Variants in FGFR1OP2 observed in about 807,000 individuals in gnomAD.
FGFR1OP2 encodes fibroblast growth factor receptor 1 oncogene partner 2.
In FGFR1OP2, 17 loss-of-function variants were observed where a neutral mutation model predicts 35.2. The ratio of observed to expected loss-of-function variants is 0.48; its 90% CI spans 0.33 to 0.73. The LOEUF (loss-of-function observed/expected upper bound fraction) is 0.73. FGFR1OP2 is among the 30% of genes least tolerant of loss of function. The pLI, the probability that FGFR1OP2 is intolerant of heterozygous loss-of-function variation, is 0.02. For missense variants in FGFR1OP2, 251 were observed against 307.3 expected (o/e 0.82, Z 1.37); for synonymous variants, 105 against 104.6 (o/e 1.00, Z -0.03).
intron 1 of FGFR1OP2, chr12:26,953,838 A>G (rs1285974815): frequency 1.8e-5 from 3 of 170,328 alleles, no homozygotes; most frequent in Admixed American, 6.3e-5. Flanking sequence ...TTTCTATATA[A>G]CATTATATTC....
intron 1 of FGFR1OP2, among the ~76,000 whole-genome samples, chr12:26,940,533 C>G (rs998295895): frequency 6.6e-6 from 1 of 152,156 alleles, no homozygotes; most frequent in Non-Finnish European, 1.5e-5. Context: ...AAAACCATAA[C>G]TATACCTTTT....
chr12:26,950,213 GTTTTTTTTTTTTTTT>G (rs1174799685), intron 1 of FGFR1OP2, among the ~76,000 whole-genome samples: 1 of 50,934 alleles, frequency 2.0e-5, no homozygotes, highest in African/African-American at 8.1e-5. Context: ...TGTATTCGTT[GTTTTTTTTTTTTTTT>G]TTTTTTTTTT....
Position 26,950,251 on chromosome 12 carries a change from C to T in FGFR1OP2, c.-14-3894C>T, listed in dbSNP as rs1349568547. Among the ~76,000 whole-genome samples the T allele has an allele frequency of 3.9e-5, 3 of 77,218 alleles. No homozygotes were observed. In the East Asian group the frequency reaches 2.0e-3, roughly 52 times the overall value. 50.7% of individuals were successfully genotyped at this position (77,218 alleles called of 152,430 possible). ...TTTTTTTTTTTTTTGAGACAGAGTC[C>T]CGTTCTGTCACCCAGGCTGGAGGTG... On this transcript the variant is annotated intron_variant, in intron 1 of 6. Transcript: ENST00000229395.
intron 1 of FGFR1OP2, among the ~76,000 whole-genome samples, chr12:26,946,745 T>C (rs1011444618): frequency 2.6e-5 from 4 of 152,256 alleles, no homozygotes; most frequent in East Asian, 1.9e-4. Flanking sequence ...TTCAGAGTTG[T>C]GTAACCATCA....
At chr12:26,947,110 G>T (rs923555282) in intron 1 of FGFR1OP2, among the ~76,000 whole-genome samples, 1 of 152,018 alleles carries the variant, frequency 6.6e-6, no homozygotes, top group Non-Finnish European at 1.5e-5. Context: ...TTCATGTACA[G>T]TTTTTTGCAT....
At chr12:26,962,643 C>T (rs1322565001) in intron 5 of FGFR1OP2, 2 of 152,146 alleles carry the variant, frequency 1.3e-5, no homozygotes, top group Non-Finnish European at 2.9e-5. Flanking sequence ...AGTACTGGCA[C>T]ATCATAGGTG....
At chr12:26,961,169 G>C (rs1055981899) in intron 5 of FGFR1OP2, 2 of 152,228 alleles carry the variant, frequency 1.3e-5, no homozygotes, top group Non-Finnish European at 1.5e-5. Context: ...AACCTAGACA[G>C]GGAGTTAGAA....
At position 26,946,785 on chromosome 12, in the gene FGFR1OP2, C is replaced by T. The variant is rs1005039027; in HGVS notation, c.-14-7360C>T. 2.0e-4 allele frequency among the ~76,000 whole-genome samples: 31 copies of T among 152,122 alleles called. 1 individual carries two copies. Among genetic ancestry groups the T allele is most frequent in the Middle Eastern group, 3.2e-3 (1 of 316 alleles). ...AATTGATTTTAGAACATTTTTCCCG[C>T]GCAAAAAGAAACCGTATGTTCATTA... On this transcript the variant is annotated intron_variant, in intron 1 of 6. Coordinates refer to ENST00000229395, the MANE Select transcript of FGFR1OP2 (RefSeq NM_015633.3).
At chr12:26,942,046 T>G (rs1938743531) in intron 1 of FGFR1OP2, among the ~76,000 whole-genome samples, 1 of 152,202 alleles carries the variant, frequency 6.6e-6, no homozygotes, top group Non-Finnish European at 1.5e-5. Context: ...TTTGTTTGTT[T>G]GTTTGTGATG....
chr12:26,942,415 T>C (rs1182829755), intron 1 of FGFR1OP2, among the ~76,000 whole-genome samples: 3 of 152,220 alleles, frequency 2.0e-5, no homozygotes, highest in Non-Finnish European at 2.9e-5. Context: ...ATAAGGTAGT[T>C]AGTTATTGCT....
chr12:26,965,064 A>C lies in FGFR1OP2; in HGVS notation c.*331A>C. The C allele has an allele frequency of 5.3e-6, 1 of 187,868 alleles. No individual in the cohort carries two copies. Among genetic ancestry groups the C allele is most frequent in the Non-Finnish European group, 1.1e-5 (1 of 91,782 alleles). 11.6% of individuals were successfully genotyped at this position (187,868 alleles called of 1,614,324 possible). A position where few individuals can be genotyped will look rare whatever the true frequency, so the allele number is the denominator to read the frequency against. ...GAATATTCCCAGTAAATGTTTGAGA[A>C]TGCATAAAATTATACCAATTTAAAA... On this transcript the variant is annotated 3_prime_UTR_variant, in exon 7 of 7. Transcript: ENST00000229395.
At chr12:26,949,424 A>T (rs149817927) in intron 1 of FGFR1OP2, among the ~76,000 whole-genome samples, 2,724 of 151,838 alleles carry the variant, frequency 0.018, 36 homozygotes, top group Non-Finnish European at 0.028. Flanking sequence ...GCACCACCAC[A>T]CCTGGCCTAC....
chr12:26,945,875 A>T (rs906517790), intron 1 of FGFR1OP2, among the ~76,000 whole-genome samples: 7 of 152,168 alleles, frequency 4.6e-5, no homozygotes, highest in African/African-American at 1.7e-4. Flanking sequence ...AAAAAAAAAA[A>T]AAAAGCATAA....
chr12:26,953,085 AC>A (rs1270215095), intron 1 of FGFR1OP2, among the ~76,000 whole-genome samples: 2 of 151,696 alleles, frequency 1.3e-5, no homozygotes, highest in African/African-American at 2.4e-5. Flanking sequence ...ACACAGTGAA[AC>A]CCCCGACTCT....
chr12:26,941,863 C>T lies in FGFR1OP2; in HGVS notation c.-15+3153C>T, dbSNP rs1030256240. Among the ~76,000 whole-genome samples the T allele has an allele frequency of 5.3e-5, 8 of 151,798 alleles. 1 individual carries two copies. The highest frequency in any genetic ancestry group is 1.3e-4 in the Admixed American group (2 of 15,272). ...TAGGGTCAGAGAACTTACTTTTTTT[C>T]GTTTTCCACCTGATGAGATTGAGAT... On this transcript the variant is annotated intron_variant, in intron 1 of 6. Transcript: ENST00000229395.
intron 1 of FGFR1OP2, among the ~76,000 whole-genome samples, chr12:26,940,971 T>TTGGG (rs1938724934): frequency 6.6e-6 from 1 of 152,208 alleles, no homozygotes; most frequent in South Asian, 2.1e-4. Flanking sequence ...AGTTGCTGTC[T>TTGGG]TGGGTGGGTG....
At chr12:26,946,576 C>T (rs1765371416) in intron 1 of FGFR1OP2, among the ~76,000 whole-genome samples, 1 of 152,210 alleles carries the variant, frequency 6.6e-6, no homozygotes, top group African/African-American at 2.4e-5. Flanking sequence ...TCCCAAAGTG[C>T]TGGGATTATA....
intron 1 of FGFR1OP2, among the ~76,000 whole-genome samples, chr12:26,945,177 C>A (rs1938799987): frequency 6.6e-6 from 1 of 151,626 alleles, no homozygotes; most frequent in African/African-American, 2.4e-5. Context: ...CTTTTTATTT[C>A]ATTAGGTTTT....
intron 1 of FGFR1OP2, among the ~76,000 whole-genome samples, chr12:26,945,758 G>C (rs1425230230): frequency 6.6e-6 from 1 of 151,984 alleles, no homozygotes; most frequent in Non-Finnish European, 1.5e-5. Context: ...CCACTCGGGA[G>C]GCTGAGGCAG....
Sources: gnomAD v4.1 joint callset for allele counts (sites outside exome capture counted in the v4.1 genomes callset) on GRCh38, gnomAD v4.1.1 for gene constraint, MANE v1.5 for transcripts, NCBI Gene and HGNC (gene_info 2026-07-23, HGNC 2026-07-21) for gene names.